Variants in SCAPER observed in about 807,000 individuals in gnomAD.
SCAPER encodes S phase cyclin A-associated protein in the endoplasmic reticulum.
Under a neutral mutation model 182.2 loss-of-function variants are expected in SCAPER, and 98 were observed. The observed-to-expected ratio is 0.54, with a 90% CI of 0.46 to 0.64. The LOEUF is 0.64. SCAPER is among the 30% of genes least tolerant of loss of function. The pLI, the probability that SCAPER is intolerant of heterozygous loss-of-function variation, is 0.00. For synonymous variants in SCAPER, 605 were observed against 564.6 expected (o/e 1.07, Z -1.01); for missense variants, 1,432 against 1,690.0 (o/e 0.85, Z 2.68).
intron 26 of SCAPER, among the ~76,000 whole-genome samples, chr15:76,410,591 C>T (rs2045216813): frequency 6.6e-6 from 1 of 152,192 alleles, no homozygotes; most frequent in African/African-American, 2.4e-5. Flanking sequence ...CTAAATCCTT[C>T]TTGCTTCCAC....
intron 23 of SCAPER, among the ~76,000 whole-genome samples, chr15:76,531,899 A>T (rs1240367043): frequency 6.6e-6 from 1 of 152,214 alleles, no homozygotes; most frequent in Non-Finnish European, 1.5e-5. Context: ...GGGATTGGCA[A>T]AGAAGCTAAG....
intron 2 of SCAPER, among the ~76,000 whole-genome samples, chr15:76,876,890 C>T (rs1409013856): frequency 6.6e-6 from 1 of 152,160 alleles, no homozygotes; most frequent in Non-Finnish European, 1.5e-5. Flanking sequence ...GAACCTACAG[C>T]AGCTTGTTAC....
At chr15:76,546,712 A>G (rs1392634962) in intron 23 of SCAPER, among the ~76,000 whole-genome samples, 1 of 152,010 alleles carries the variant, frequency 6.6e-6, no homozygotes, top group Admixed American at 6.6e-5. Flanking sequence ...CATTTCCTTA[A>G]GTATTTTCAA....
intron 23 of SCAPER, among the ~76,000 whole-genome samples, chr15:76,554,962 G>A (rs1178719546): frequency 6.6e-6 from 1 of 151,958 alleles, no homozygotes; most frequent in African/African-American, 2.4e-5. Context: ...TGTATTTTTA[G>A]TAGAGACAGG....
At chr15:76,378,377 T>C (rs1301900015) in intron 28 of SCAPER, among the ~76,000 whole-genome samples, 3 of 152,206 alleles carry the variant, frequency 2.0e-5, no homozygotes, top group African/African-American at 7.2e-5. Flanking sequence ...TAAAATCTCT[T>C]TTCCTGTCCT....
chr15:76,528,071 A>G (rs2043340909), intron 23 of SCAPER, among the ~76,000 whole-genome samples: 1 of 152,326 alleles, frequency 6.6e-6, no homozygotes, highest in South Asian at 2.1e-4. Flanking sequence ...ACCAGATAGT[A>G]AACAGTACAA....
intron 23 of SCAPER, among the ~76,000 whole-genome samples, chr15:76,535,090 A>G (rs923758596): frequency 6.6e-6 from 1 of 152,208 alleles, no homozygotes; most frequent in African/African-American, 2.4e-5. Context: ...TTGGGCCACA[A>G]AAGCATGCTG....
intron 20 of SCAPER, among the ~76,000 whole-genome samples, chr15:76,681,715 G>A (rs970450772): frequency 6.6e-6 from 1 of 152,138 alleles, no homozygotes; most frequent in Non-Finnish European, 1.5e-5. Flanking sequence ...TCTCTCCACA[G>A]ATCCCTGGAA....
chr15:76,759,650 G>GT (rs761739321), intron 14 of SCAPER, among the ~76,000 whole-genome samples: 1 of 152,158 alleles, frequency 6.6e-6, no homozygotes, highest in Non-Finnish European at 1.5e-5. Flanking sequence ...TCTATACCTA[G>GT]TATGTTGAGG....
At chr15:76,633,498 C>G (rs971423128) in intron 21 of SCAPER, among the ~76,000 whole-genome samples, 2 of 152,172 alleles carry the variant, frequency 1.3e-5, no homozygotes, top group African/African-American at 4.8e-5. Flanking sequence ...TCCGGGCTGC[C>G]CTGACTCACC....
chr15:76,590,258 T>C (rs1451505983), intron 22 of SCAPER, among the ~76,000 whole-genome samples: 1 of 152,216 alleles, frequency 6.6e-6, no homozygotes, highest in Non-Finnish European at 1.5e-5. Context: ...AAATGGAGGC[T>C]TGGATGAAAA....
chr15:76,585,111 A>G (rs1015337770), intron 22 of SCAPER, among the ~76,000 whole-genome samples: 18 of 152,106 alleles, frequency 1.2e-4, no homozygotes, highest in African/African-American at 3.9e-4. Context: ...ATGTGTATAA[A>G]CCCTGGGGAG....
At chr15:76,883,003 G>A (rs1343592849) in intron 2 of SCAPER, among the ~76,000 whole-genome samples, 1 of 152,178 alleles carries the variant, frequency 6.6e-6, no homozygotes, top group Non-Finnish European at 1.5e-5. Context: ...GCTCTGCCCT[G>A]AGCGCCACAC....
intron 17 of SCAPER, among the ~76,000 whole-genome samples, chr15:76,708,609 A>G (rs568893384): frequency 3.9e-5 from 6 of 152,276 alleles, no homozygotes. Context: ...AGAAGGAAAT[A>G]AATGATAAAC....
chr15:76,738,318 A>ATGGG (rs1409057770), intron 15 of SCAPER, among the ~76,000 whole-genome samples: 1 of 152,148 alleles, frequency 6.6e-6, no homozygotes, highest in Non-Finnish European at 1.5e-5. Context: ...TTTGGTAGAG[A>ATGGG]TGGGGTCTTG....
At chr15:76,413,543 C>G (rs141259130) in intron 26 of SCAPER, among the ~76,000 whole-genome samples, 6 of 152,252 alleles carry the variant, frequency 3.9e-5, no homozygotes, top group African/African-American at 7.2e-5. Context: ...TTGTTCTAGA[C>G]TAGGTTTTCC....
At chr15:76,679,868 A>C (rs2057588024) in intron 20 of SCAPER, among the ~76,000 whole-genome samples, 1 of 152,204 alleles carries the variant, frequency 6.6e-6, no homozygotes, top group African/African-American at 2.4e-5. Flanking sequence ...CCCACAGTTC[A>C]AAAAGGTTAT....
At chr15:76,623,841 C>T (rs1258736766) in intron 21 of SCAPER, among the ~76,000 whole-genome samples, 7 of 151,128 alleles carry the variant, frequency 4.6e-5, no homozygotes, top group Non-Finnish European at 8.8e-5. Context: ...AAGAAGTTTT[C>T]AATAAAATCC....
At chr15:76,625,386 A>G (rs890364554) in intron 21 of SCAPER, among the ~76,000 whole-genome samples, 2 of 152,170 alleles carry the variant, frequency 1.3e-5, no homozygotes, top group Non-Finnish European at 2.9e-5. Flanking sequence ...AGCGGCCCAC[A>G]GGGGTGGCTG....
Sources: allele counts gnomAD v4.1 joint callset (sites outside exome capture counted in the v4.1 genomes callset), GRCh38; gene constraint gnomAD v4.1.1; transcripts MANE v1.5; gene names NCBI Gene and HGNC (gene_info 2026-07-23, HGNC 2026-07-21).